Variants in HMG20A observed in about 807,000 individuals in gnomAD.
The protein encoded by HMG20A is high mobility group protein 20A.
Under a neutral mutation model 43.9 loss-of-function variants are expected in HMG20A, and 17 were observed. The ratio of observed to expected loss-of-function variants is 0.39; its 90% CI spans 0.27 to 0.58. The LOEUF (loss-of-function observed/expected upper bound fraction) is 0.58, where lower values mean the gene tolerates loss of function less well. Among genes scored for constraint, HMG20A ranks in the 20% least tolerant of loss-of-function variants. The pLI is 0.59. For missense variants in HMG20A, 341 were observed against 438.2 expected, an observed-to-expected ratio of 0.78 and a Z score of 1.98; for synonymous variants, 132 against 147.5, an observed-to-expected ratio of 0.89 and a Z score of 0.76.
chr15:77,498,204 TA>T, the HMG20A span, among the ~76,000 whole-genome samples: 1 of 152,288 alleles, frequency 6.6e-6, no homozygotes, highest in Admixed American at 6.5e-5. Flanking sequence ...AAGACTTCAT[TA>T]CCGGATCCTC....
chr15:77,421,024 T>G lies in HMG20A; in HGVS notation c.-5+20T>G. The G allele has an allele frequency of 2.5e-6, 1 of 398,766 alleles. No homozygotes were observed. Among genetic ancestry groups the G allele is most frequent in the Non-Finnish European group, 4.4e-6 (1 of 226,194 alleles). The allele number at this position is 398,766 out of a possible 1,614,324, so 24.7% of individuals were successfully genotyped here. A position where few individuals can be genotyped will look rare whatever the true frequency, so the allele number is the denominator to read the frequency against. On this transcript the variant is annotated intron_variant, in intron 1 of 9. Transcript: ENST00000336216. ...CAGCAGGTCAGTAAGCAAGGCGAGC[T>G]TGGGGGTGGCCCCAGTCGAGATGCC...
chr15:77,472,197 T>C (rs1266168607), intron 6 of HMG20A, among the ~76,000 whole-genome samples: 1 of 152,222 alleles, frequency 6.6e-6, no homozygotes, highest in Non-Finnish European at 1.5e-5. Context: ...GAATCCAGCA[T>C]TTGCTTAAAG....
chr15:77,439,804 T>C (rs1490345993), intron 1 of HMG20A, among the ~76,000 whole-genome samples: 1 of 152,174 alleles, frequency 6.6e-6, no homozygotes, highest in Non-Finnish European at 1.5e-5. Context: ...TATTGCTAAA[T>C]AGTTTTCCAA....
intron 1 of HMG20A, among the ~76,000 whole-genome samples, chr15:77,426,986 A>C (rs1172576011): frequency 2.6e-5 from 4 of 152,168 alleles, no homozygotes; most frequent in Non-Finnish European, 4.4e-5. Flanking sequence ...AAAACATCTT[A>C]TGACCTTGAA....
the HMG20A span, among the ~76,000 whole-genome samples, chr15:77,502,506 C>A: frequency 6.6e-6 from 1 of 152,214 alleles, no homozygotes; most frequent in African/African-American, 2.4e-5. Context: ...TCTGCTAACA[C>A]GTAAAGTTGG....
intron 1 of HMG20A, among the ~76,000 whole-genome samples, chr15:77,452,232 A>G (rs2072609751): frequency 6.6e-6 from 1 of 152,230 alleles, no homozygotes; most frequent in South Asian, 2.1e-4. Context: ...CATCAAATGC[A>G]TATTTAACAA....
At chr15:77,498,128 A>G in the HMG20A span, among the ~76,000 whole-genome samples, 1 of 152,160 alleles carries the variant, frequency 6.6e-6, no homozygotes, top group Non-Finnish European at 1.5e-5. Context: ...TGGGCCAGGG[A>G]TACATGTGCT....
At chr15:77,499,834 CT>C in the HMG20A span, among the ~76,000 whole-genome samples, 43,118 of 145,142 alleles carry the variant, frequency 0.3, 6,912 homozygotes, top group Non-Finnish European at 0.38. Context: ...TTTTTCTTTT[CT>C]TTTTTTTTTT....
the HMG20A span, among the ~76,000 whole-genome samples, chr15:77,518,306 G>A: frequency 6.6e-6 from 1 of 152,304 alleles, no homozygotes; most frequent in Non-Finnish European, 1.5e-5. Flanking sequence ...ATTCTACCAC[G>A]CCTGCACCAA....
At chr15:77,471,069 T>A in intron 5 of HMG20A, 27 bp downstream of exon 5, 1 of 1,601,308 alleles carries the variant, frequency 6.2e-7, no homozygotes, top group East Asian at 2.2e-5. Flanking sequence ...CAAATGTATT[T>A]GTAGTTTGTT....
chr15:77,514,957 A>T, the HMG20A span, among the ~76,000 whole-genome samples: 1 of 152,204 alleles, frequency 6.6e-6, no homozygotes, highest in Non-Finnish European at 1.5e-5. Flanking sequence ...GGCAAGGGAT[A>T]TACAAGGAGT....
chr15:77,513,470 G>C, the HMG20A span, among the ~76,000 whole-genome samples: 1 of 152,172 alleles, frequency 6.6e-6, no homozygotes, highest in Non-Finnish European at 1.5e-5. Context: ...CAGTCCGCCT[G>C]GGCCACCTTA....
rs1483069733 is a variant in HMG20A at position 77,479,179 on chromosome 15, G to A, written c.908G>A (p.Gly303Glu). The A allele has an allele frequency of 1.9e-6, 3 of 1,613,322 alleles. No individual in the cohort carries two copies. The East Asian group carries it at 6.7e-5, about 36-fold the overall frequency. Residue 303 changes from glycine to glutamate, a missense_variant and splice_region_variant, in exon 9 of 10, where the codon GGA becomes GAA. Physicochemically the swap from Gly to Glu is moderately conservative, Grantham distance 98 (BLOSUM62 -2). Around this residue, in one of 3 missense-constraint regions of HMG20A, gnomAD observed 118 missense variants for 154.5 expected, o/e 0.76. Transcript: ENST00000336216. ...TSSFASMPLP[G>E]SGETPTVDTI... ...TTACTTTCTTCTTATCTCACTTCAG[G>A]AAGTGGAGAGACACCTACAGTGGAC...
At chr15:77,471,131 G>T in intron 5 of HMG20A, 89 bp downstream of exon 5, 2 of 1,333,178 alleles carry the variant, frequency 1.5e-6, no homozygotes, top group South Asian at 3.3e-5. Flanking sequence ...AACTATAAAA[G>T]ATGTGTTTCT....
chr15:77,497,655 T>TAGAGAGAGAGAGAGAGAGAG, the HMG20A span, among the ~76,000 whole-genome samples: 13 of 128,062 alleles, frequency 1.0e-4, no homozygotes, highest in Middle Eastern at 3.7e-3. Context: ...GAGATATTAA[T>TAGAGAGAGAGAGAGAGAGAG]AGAGAGAGAG....
intron 5 of HMG20A, 25 bp from the exon 6 acceptor site, chr15:77,471,758 T>C: frequency 6.5e-7 from 1 of 1,526,888 alleles, no homozygotes; most frequent in Non-Finnish European, 9.0e-7. Context: ...AAATGTAATG[T>C]TCTCTTATTC....
At chr15:77,481,263 T>A (rs1037582521) in intron 9 of HMG20A, among the ~76,000 whole-genome samples, 1 of 152,200 alleles carries the variant, frequency 6.6e-6, no homozygotes, top group African/African-American at 2.4e-5. Flanking sequence ...TGGAATGGAC[T>A]GTACTTCTTA....
Position 77,463,395 on chromosome 15 carries a change from C to T in HMG20A, c.90-845C>T, listed in dbSNP as rs116877763. Among the ~76,000 whole-genome samples the T allele has an allele frequency of 4.3e-4, 65 of 152,306 alleles. 2 individuals carry two copies. The East Asian group carries it at 0.013, about 29-fold the overall frequency. On this transcript the variant is annotated intron_variant, in intron 2 of 9. Coordinates refer to ENST00000336216, the MANE Select transcript of HMG20A (RefSeq NM_001304504.2). ...ATTCCCTATAATACTATGGGTTGTG[C>T]ATTCTTTCAGAATAATGACTGAATA... is the stretch of plus-strand genomic sequence containing the variant.
At chr15:77,499,893 G>A in the HMG20A span, among the ~76,000 whole-genome samples, 55 of 151,066 alleles carry the variant, frequency 3.6e-4, no homozygotes, top group African/African-American at 1.1e-3. Flanking sequence ...GCAGCAGCAC[G>A]ATCCTGGCTC....
Sources: allele counts gnomAD v4.1 joint callset (sites outside exome capture counted in the v4.1 genomes callset), GRCh38; gene constraint gnomAD v4.1.1; regional missense constraint gnomAD v4.1.1; transcripts MANE v1.5; gene names NCBI Gene and HGNC (gene_info 2026-07-23, HGNC 2026-07-21).